Variants in ARHGEF10L observed in about 807,000 individuals in gnomAD.
ARHGEF10L encodes the protein Rho guanine nucleotide exchange factor 10 like.
ARHGEF10L carries 69 observed loss-of-function variants against 141.2 expected under a neutral mutation model. That is an observed-to-expected ratio of 0.49 (90% confidence interval 0.40 to 0.60). The LOEUF is 0.60. ARHGEF10L is among the 20% of genes least tolerant of loss of function. The probability of loss-of-function intolerance (pLI) is 0.00; values close to 1 mark genes in which losing one functional copy is unlikely to be tolerated. For missense variants in ARHGEF10L, 1,482 were observed against 1,734.3 expected, an observed-to-expected ratio of 0.85 and a Z score of 2.58; for synonymous variants, 711 against 718.5, an observed-to-expected ratio of 0.99 and a Z score of 0.17.
At chr1:17,667,686 C>G (rs1004101178) in intron 26 of ARHGEF10L, among the ~76,000 whole-genome samples, 1 of 152,180 alleles carries the variant, frequency 6.6e-6, no homozygotes, top group African/African-American at 2.4e-5. Flanking sequence ...AGGCAGGGGC[C>G]TGCGAGAGCA....
At chr1:17,591,819 A>G (rs2100735445) in intron 4 of ARHGEF10L, among the ~76,000 whole-genome samples, 1 of 152,308 alleles carries the variant, frequency 6.6e-6, no homozygotes, top group East Asian at 1.9e-4. Context: ...AAGTGCTGGG[A>G]TTACAGGCAT....
chr1:17,662,883 G>T (rs2062716951), intron 25 of ARHGEF10L, among the ~76,000 whole-genome samples: 1 of 152,150 alleles, frequency 6.6e-6, no homozygotes, highest in Non-Finnish European at 1.5e-5. Flanking sequence ...CAGGGACCCA[G>T]TGGAGGGCAG....
At chr1:17,669,956 C>T (rs142051506) in intron 26 of ARHGEF10L, among the ~76,000 whole-genome samples, 2 of 152,356 alleles carry the variant, frequency 1.3e-5, no homozygotes, top group African/African-American at 4.8e-5. Context: ...AGAGGGGTGC[C>T]AGACCCAGCT....
intron 28 of ARHGEF10L, 101 bp from the exon 29 acceptor site, chr1:17,696,747 C>A (rs756761772): frequency 5.3e-5 from 69 of 1,295,124 alleles, no homozygotes; most frequent in Admixed American, 1.9e-4. Context: ...AGTGACCCCC[C>A]CAAATACCCA....
rs957664110 is a variant in ARHGEF10L, at chr1:17,632,266, C to T, written c.1585-55C>T. 1.7e-5 allele frequency: 28 copies of T among 1,602,648 alleles called. 1 individual carries two copies. The South Asian group carries it at 1.8e-4, about 10-fold the overall frequency. ...ATGGGAGGATTCTGGGTCTCCGGCG[C>T]GGTAAAGCCGCCGGGCCGCGATGCT... On this transcript the variant is annotated intron_variant, in intron 15 of 28. Coordinates refer to ENST00000361221, the MANE Select transcript of ARHGEF10L (RefSeq NM_018125.4).
intron 25 of ARHGEF10L, among the ~76,000 whole-genome samples, chr1:17,663,563 A>AC (rs1257669450): frequency 6.6e-6 from 1 of 151,460 alleles, no homozygotes; most frequent in East Asian, 1.9e-4. Context: ...CAAAGAAAAA[A>AC]AAAAAAACAA....
At chr1:17,572,882 C>T (rs1274205403) in intron 1 of ARHGEF10L, among the ~76,000 whole-genome samples, 1 of 152,108 alleles carries the variant, frequency 6.6e-6, no homozygotes, top group Non-Finnish European at 1.5e-5. Flanking sequence ...GGTTGTACCT[C>T]AGCTTGGCCC....
chr1:17,639,781 C>CCATG lies in ARHGEF10L; in HGVS notation c.2172-419_2172-416dup, dbSNP rs1298671388. 4.4e-6 allele frequency: 5 copies of CCATG among 1,136,730 alleles called. No individual in the cohort carries two copies. In the African/African-American group the frequency reaches 7.9e-5, roughly 18 times the overall value. The allele number at this position is 1,136,730 out of a possible 1,614,324, so 70.4% of individuals were successfully genotyped here. A position where few individuals can be genotyped will look rare whatever the true frequency, so the allele number is the denominator to read the frequency against. On this transcript the variant is annotated intron_variant, in intron 20 of 28. Transcript: ENST00000361221. The surrounding 1 kb of genome is among the most constrained non-coding windows in gnomAD (Gnocchi z 4.3). ...AGCAAACATTTACTGAGCAACTGTC[C>CCATG]CATGCCAGGTGCTGGGAACAGACCC...
chr1:17,536,819 G>T (rs989809891), upstream of ARHGEF10L, among the ~76,000 whole-genome samples: 1 of 152,092 alleles, frequency 6.6e-6, no homozygotes, highest in Non-Finnish European at 1.5e-5. Context: ...GGGGAATGTG[G>T]ACCTGGCATT....
intron 1 of ARHGEF10L, among the ~76,000 whole-genome samples, chr1:17,542,631 A>T (rs1408854505): frequency 6.6e-6 from 1 of 152,240 alleles, no homozygotes; most frequent in Non-Finnish European, 1.5e-5. Flanking sequence ...TTTTGAAAAG[A>T]TAAAGTAAAT....
chr1:17,658,561 G>C (rs995968587), intron 25 of ARHGEF10L, among the ~76,000 whole-genome samples: 19 of 152,134 alleles, frequency 1.2e-4, no homozygotes, highest in African/African-American at 4.6e-4. Context: ...GGAGGACATG[G>C]GGTCTGAAGG....
At chr1:17,580,720 A>G in intron 2 of ARHGEF10L, 88 bp downstream of exon 2, 1 of 1,537,364 alleles carries the variant, frequency 6.5e-7, no homozygotes. Context: ...CTGGAGCAGC[A>G]TGGCGCCGGG....
intron 26 of ARHGEF10L, among the ~76,000 whole-genome samples, chr1:17,677,054 C>T (rs763834336): frequency 2.0e-5 from 3 of 152,030 alleles, no homozygotes; most frequent in African/African-American, 7.3e-5. Flanking sequence ...CAGGCATGGA[C>T]GCTCCATGAG....
At chr1:17,695,077 A>G (rs1333955620) in intron 27 of ARHGEF10L, 81 bp from the exon 28 acceptor site, 15 of 1,593,540 alleles carry the variant, frequency 9.4e-6, no homozygotes, top group East Asian at 2.2e-5. Context: ...CCGCTGTGCC[A>G]GGCCCTCATC....
At chr1:17,658,491 C>A (rs1375003153) in intron 25 of ARHGEF10L, among the ~76,000 whole-genome samples, 2 of 152,176 alleles carry the variant, frequency 1.3e-5, no homozygotes, top group Non-Finnish European at 2.9e-5. Context: ...ACCCAGTACC[C>A]TGCCTCCCAG....
Position 17,624,514 on chromosome 1 carries a change from A to T in ARHGEF10L, c.1317+11A>T. 6.2e-7 allele frequency: 1 copy of T among 1,608,124 alleles called. No individual in the cohort carries two copies. The highest frequency in any genetic ancestry group is 8.5e-7 in the Non-Finnish European group (1 of 1,174,650). On this transcript the variant is annotated intron_variant, in intron 13 of 28. Coordinates refer to ENST00000361221, the MANE Select transcript of ARHGEF10L (RefSeq NM_018125.4). The stretch of plus-strand genomic sequence containing the variant: ...CTCGAGTTCCTCAAGGTGGGCCTCC[A>T]TGGTGGTACCGTGCCTGGTCAGGGT...
intron 25 of ARHGEF10L, among the ~76,000 whole-genome samples, chr1:17,657,010 C>T (rs906157967): frequency 5.3e-5 from 8 of 152,130 alleles, no homozygotes; most frequent in South Asian, 2.1e-4. Flanking sequence ...AGGCTTTGCC[C>T]GATGACAGCT....
intron 6 of ARHGEF10L, among the ~76,000 whole-genome samples, chr1:17,605,378 G>A (rs2081073250): frequency 6.6e-6 from 1 of 152,154 alleles, no homozygotes; most frequent in African/African-American, 2.4e-5. Flanking sequence ...GGCAATAATA[G>A]CCAGTCCTAG....
chr1:17,514,281 G>A, the ARHGEF10L span, among the ~76,000 whole-genome samples: 4 of 151,236 alleles, frequency 2.6e-5, no homozygotes, highest in Admixed American at 2.0e-4. Context: ...GATTACAGGC[G>A]CCTGCCACCA....
Sources: allele counts gnomAD v4.1 joint callset (sites outside exome capture counted in the v4.1 genomes callset), GRCh38; gene constraint gnomAD v4.1.1; non-coding constraint Gnocchi (gnomAD v3.1); transcripts MANE v1.5; gene names NCBI Gene and HGNC (gene_info 2026-07-23, HGNC 2026-07-21).